Variants in STARD8 observed in about 807,000 individuals in gnomAD.
STARD8 encodes the protein stAR-related lipid transfer protein 8.
A neutral mutation model predicts 69.4 loss-of-function variants in STARD8; 25 were observed. The ratio of observed to expected loss-of-function variants is 0.36; its 90% CI spans 0.26 to 0.50. The LOEUF is 0.50. STARD8 is among the 20% of genes least tolerant of loss of function. The pLI is 0.96. For missense variants in STARD8, 921 were observed against 932.5 expected (o/e 0.99, Z 0.16); for synonymous variants, 389 against 374.6 (o/e 1.04, Z -0.45).
chrX:68,674,828 G>C (rs2024488135), intron 2 of STARD8, among the ~76,000 whole-genome samples: 1 of 109,473 alleles, frequency 9.1e-6, no homozygotes, highest in African/African-American at 3.3e-5. Flanking sequence ...TGTTGCCCAG[G>C]CTGGAGTGCA....
chrX:68,716,540 G>T, intron 5 of STARD8, 109 bp downstream of exon 5: 6 of 730,580 alleles, frequency 8.2e-6, no homozygotes, highest in Non-Finnish European at 1.2e-5. Flanking sequence ...AGTCTGAGAT[G>T]TCCAGAGCAG....
At chrX:68,681,355 G>A (rs2079799720) in intron 2 of STARD8, among the ~76,000 whole-genome samples, 1 of 111,291 alleles carries the variant, frequency 9.0e-6, no homozygotes, top group African/African-American at 3.3e-5. Context: ...TTATCTTGAG[G>A]TTTACAGGGC....
chrX:68,674,778 T>TTTG (rs1229017399), intron 2 of STARD8, among the ~76,000 whole-genome samples: 82 of 109,669 alleles, frequency 7.5e-4, no homozygotes, highest in African/African-American at 2.5e-3. Context: ...GGTTTTTTTT[T>TTTG]TTGTTGTTGT....
chrX:68,713,040 A>G, intron 3 of STARD8, 55 bp downstream of exon 3: 3 of 1,084,743 alleles, frequency 2.8e-6, no homozygotes, highest in East Asian at 6.3e-5. Flanking sequence ...TCAGTTTTTC[A>G]TCTGTTAGAT....
At chrX:68,713,470 C>T (rs1362794344) in intron 3 of STARD8, among the ~76,000 whole-genome samples, 1 of 111,913 alleles carries the variant, frequency 8.9e-6, no homozygotes, top group Non-Finnish European at 1.9e-5. Context: ...GCTTCACCTC[C>T]ACCTCGCCTG....
chrX:68,714,985 A>C (rs1376406277), intron 3 of STARD8, among the ~76,000 whole-genome samples: 2 of 111,615 alleles, frequency 1.8e-5, no homozygotes, highest in African/African-American at 6.5e-5. Flanking sequence ...CCCAGGATTC[A>C]AAGGGGAATG....
Position 68,647,905 on chromosome X carries a change from G to C in STARD8, c.23G>C (p.Trp8Ser). Reference protein sequence around the residue: MPLLDVFWSCFRKVKCFP... With the variant: MPLLDVFSSCFRKVKCFP... ...ACCATGCCTCTGCTGGACGTTTTCT[G>C]GTCTTGCTTCAGGAAGGTGAAGGTA... The change falls in exon 1 of 15, where the codon TGG becomes TCG. Residue 8 changes from tryptophan (W) to serine (S), a missense_variant. Trp to Ser is a radical substitution (Grantham distance 177, BLOSUM62 -3). Transcript: ENST00000374599. 1 of 1,201,256 alleles carries C rather than the reference G, an allele frequency of 8.3e-7. No individual in the cohort carries two copies. Among genetic ancestry groups the C allele is most frequent in the Non-Finnish European group, 1.1e-6 (1 of 890,270 alleles).
At position 68,669,130 on chromosome X, in the gene STARD8, C is replaced by T. The variant is rs1261722762; in HGVS notation, c.79+3598C>T. On this transcript the variant is annotated intron_variant, in intron 2 of 14. Coordinates refer to ENST00000374599, the MANE Select transcript of STARD8 (RefSeq NM_001142503.3). ...ACTTCATATTTCTTCCAGACCCACACACCCTGTTGCTTGAGCACAAATTGC... is the reference window on the plus strand; with the variant it reads ...ACTTCATATTTCTTCCAGACCCACATACCCTGTTGCTTGAGCACAAATTGC... Among the ~76,000 whole-genome samples the T allele has an allele frequency of 3.6e-5, 4 of 111,688 alleles. No homozygotes were observed. The East Asian group carries it at 1.1e-3, about 32-fold the overall frequency.
intron 4 of STARD8, 64 bp downstream of exon 4, chrX:68,715,439 A>C: frequency 1.0e-6 from 1 of 986,628 alleles, no homozygotes; most frequent in East Asian, 3.2e-5. Context: ...CTCGTGGAAA[A>C]AAACATCCCT....
In STARD8 at chrX:68,724,500, G is replaced by C; in HGVS notation, c.*78G>C. ...AGCGAGGGGGAATAAGAGCAGGGCAGCCCCCTGGGTGCCGCTGTCAGGAGC... is the reference window on the plus strand; with the variant it reads ...AGCGAGGGGGAATAAGAGCAGGGCACCCCCCTGGGTGCCGCTGTCAGGAGC... On this transcript the variant is annotated 3_prime_UTR_variant, in exon 15 of 15. Transcript: ENST00000374599. The C allele has an allele frequency of 1.1e-6, 1 of 890,031 alleles. No individual in the cohort carries two copies. The highest frequency in any genetic ancestry group is 1.6e-6 in the Non-Finnish European group (1 of 629,238). The allele number at this position is 890,031 out of a possible 1,213,427, so 73.3% of individuals were successfully genotyped here. A position where few individuals can be genotyped will look rare whatever the true frequency, so the allele number is the denominator to read the frequency against.
In STARD8 at chrX:68,718,368, C is replaced by G. The variant is rs779018973; in HGVS notation, c.1454C>G (p.Pro485Arg). Residue 485 changes from proline to arginine, a missense_variant, in exon 6 of 15, where the codon CCG becomes CGG. By Grantham distance (103) the Pro-to-Arg change is moderately radical (BLOSUM62 -2). Coordinates refer to ENST00000374599, the MANE Select transcript of STARD8 (RefSeq NM_001142503.3). ...EPVAQEEAEA[P>R]APAPAPAPAQ... is the part of the protein sequence containing the mutation. ...GTGGCACAGGAAGAGGCTGAGGCCC[C>G]GGCCCCAGCCCCGGCCCCGGCCCCA... 1 of 1,202,599 alleles carries G rather than the reference C, an allele frequency of 8.3e-7. No individual in the cohort carries two copies. Among genetic ancestry groups the G allele is most frequent in the East Asian group, 3.0e-5 (1 of 33,466 alleles).
chrX:68,653,094 ACACACACCACACACACACAC>A (rs2079572397), intron 1 of STARD8, among the ~76,000 whole-genome samples: 2 of 25,416 alleles, frequency 7.9e-5, no homozygotes, highest in Non-Finnish European at 7.2e-5. Context: ...ACCACACACC[ACACACACCACACACACACAC>A]CACACACCAC....
intron 11 of STARD8, 108 bp from the exon 12 acceptor site, chrX:68,722,314 C>A: frequency 1.2e-6 from 1 of 859,517 alleles, no homozygotes; most frequent in South Asian, 2.5e-5. Context: ...TCTCATCTAC[C>A]TTGCTGTGGT....
chrX:68,669,405 G>A (rs995153510), intron 2 of STARD8, among the ~76,000 whole-genome samples: 6 of 111,681 alleles, frequency 5.4e-5, no homozygotes, highest in Admixed American at 9.5e-5. Flanking sequence ...GTATCTTGCT[G>A]TTCTGAAATT....
At chrX:68,650,837 A>AAAACT (rs1421298723) in intron 1 of STARD8, among the ~76,000 whole-genome samples, 9 of 108,015 alleles carry the variant, frequency 8.3e-5, no homozygotes, top group Non-Finnish European at 1.5e-4. Flanking sequence ...AAAACAAAAC[A>AAAACT]AAACTGGTGG....
chrX:68,688,565 T>A (rs2147899171), intron 2 of STARD8, among the ~76,000 whole-genome samples: 1 of 110,383 alleles, frequency 9.1e-6, no homozygotes, highest in South Asian at 3.9e-4. Flanking sequence ...CCTTCCCAGG[T>A]TTTTTCTTTG....
intron 1 of STARD8, among the ~76,000 whole-genome samples, chrX:68,655,331 TA>T (rs2079604736): frequency 9.0e-6 from 1 of 111,390 alleles, no homozygotes; most frequent in African/African-American, 3.3e-5. Context: ...TCCAAAGAAA[TA>T]AATTATGACA....
chrX:68,661,949 T>C (rs868620703), intron 1 of STARD8, among the ~76,000 whole-genome samples: 2 of 65,893 alleles, frequency 3.0e-5, no homozygotes, highest in African/African-American at 2.3e-4. Context: ...CTCCTTCCTC[T>C]CTCTCTCTCT....
At chrX:68,666,890 C>A (rs2079687117) in intron 2 of STARD8, among the ~76,000 whole-genome samples, 1 of 112,027 alleles carries the variant, frequency 8.9e-6, no homozygotes, top group Admixed American at 9.4e-5. Context: ...ATTTCAGAGA[C>A]ACCAGCTTCA....
Sources: allele counts gnomAD v4.1 joint callset (sites outside exome capture counted in the v4.1 genomes callset), GRCh38; gene constraint gnomAD v4.1.1; transcripts MANE v1.5; gene names NCBI Gene and HGNC (gene_info 2026-07-23, HGNC 2026-07-21).